The following PRP4K variants were observed in gnomAD, a reference collection of about 807,000 sequenced individuals.
PRP4K encodes pre-mRNA processing factor kinase PRP4K.
the PRP4K span, among the ~76,000 whole-genome samples, chr6:4,036,131 C>T: frequency 6.6e-6 from 1 of 152,038 alleles, no homozygotes; most frequent in Non-Finnish European, 1.5e-5. Context: ...TGTAGAAAGG[C>T]CTGTTGTAAT....
the PRP4K span, chr6:4,061,946 G>A: frequency 6.6e-6 from 1 of 152,532 alleles, no homozygotes; most frequent in Non-Finnish European, 1.5e-5. Context: ...TTCAGTGCTG[G>A]TAAGTCAGGT....
At chr6:4,039,393 A>G in the PRP4K span, among the ~76,000 whole-genome samples, 718 of 152,278 alleles carry the variant, frequency 4.7e-3, 4 homozygotes, top group Non-Finnish European at 7.8e-3. Flanking sequence ...CTCTTCCTTC[A>G]TAATGTAAAC....
chr6:4,038,605 T>C, the PRP4K span, among the ~76,000 whole-genome samples: 1 of 152,108 alleles, frequency 6.6e-6, no homozygotes, highest in Non-Finnish European at 1.5e-5. Context: ...ATGTTTCGCT[T>C]TTGCCTAATT....
chr6:4,052,205 C>T, the PRP4K span: 1 of 1,222,036 alleles, frequency 8.2e-7, no homozygotes, highest in Non-Finnish European at 1.1e-6. Flanking sequence ...TTTGTTTTAT[C>T]CACACAGCTC....
At chr6:4,030,717 A>G in the PRP4K span, among the ~76,000 whole-genome samples, 25,942 of 152,204 alleles carry the variant, frequency 0.17, 2,628 homozygotes, top group African/African-American at 0.26. Context: ...TTTGAAATTC[A>G]GAGAGATTAA....
chr6:4,027,812 C>T, the PRP4K span, among the ~76,000 whole-genome samples: 5 of 152,148 alleles, frequency 3.3e-5, no homozygotes, highest in Non-Finnish European at 7.3e-5. Flanking sequence ...CCAGAGACTG[C>T]TTAACCACTC....
At chr6:4,037,379 G>T in the PRP4K span, 6 of 1,532,760 alleles carry the variant, frequency 3.9e-6, no homozygotes, top group South Asian at 6.4e-5. Flanking sequence ...CTTTTAACTT[G>T]CATTTGATCC....
At chr6:4,052,652 C>T in the PRP4K span, 3 of 1,303,696 alleles carry the variant, frequency 2.3e-6, no homozygotes, top group Non-Finnish European at 2.1e-6. Flanking sequence ...AATGTTTTTG[C>T]CTTTTTATAT....
At chr6:4,049,299 G>T in the PRP4K span, 1 of 563,398 alleles carries the variant, frequency 1.8e-6, no homozygotes. Flanking sequence ...ATCACAAATG[G>T]AGTGAGGTAA....
chr6:4,022,824 C>T, the PRP4K span, among the ~76,000 whole-genome samples: 5 of 152,064 alleles, frequency 3.3e-5, no homozygotes, highest in African/African-American at 9.6e-5. Flanking sequence ...CAGTACCGTG[C>T]AGATCTCATG....
chr6:4,029,996 G>T, the PRP4K span, among the ~76,000 whole-genome samples: 1 of 150,520 alleles, frequency 6.6e-6, no homozygotes, highest in East Asian at 2.0e-4. Context: ...AGGCTGGAGT[G>T]CAATGGCGCA....
chr6:4,021,305 C>A, the PRP4K span: 1 of 1,362,326 alleles, frequency 7.3e-7, no homozygotes, highest in East Asian at 2.5e-5. Context: ...GACTCAGAAC[C>A]CAGCTCTTCC....
the PRP4K span, chr6:4,043,896 A>G: frequency 1.9e-6 from 3 of 1,614,226 alleles, no homozygotes; most frequent in East Asian, 4.5e-5. Flanking sequence ...GAACACGATC[A>G]CCATCTCCAG....
the PRP4K span, chr6:4,049,574 T>TA: frequency 2.4e-5 from 17 of 696,642 alleles, no homozygotes; most frequent in East Asian, 2.7e-4. Context: ...CACACTCTGA[T>TA]AGAGTGATCA....
At chr6:4,053,065 G>GA in the PRP4K span, among the ~76,000 whole-genome samples, 1 of 152,266 alleles carries the variant, frequency 6.6e-6, no homozygotes, top group Non-Finnish European at 1.5e-5. Context: ...CAAGTATGAA[G>GA]AAAAAGGAAA....
At chr6:4,056,368 T>A in the PRP4K span, 1 of 1,614,176 alleles carries the variant, frequency 6.2e-7, no homozygotes, top group African/African-American at 1.3e-5. Flanking sequence ...TTGGGTCGGC[T>A]TCACATGTTG....
chr6:4,044,791 C>T, the PRP4K span, among the ~76,000 whole-genome samples: 148 of 151,736 alleles, frequency 9.8e-4, no homozygotes, highest in African/African-American at 3.4e-3. Context: ...TTTTCCTTTA[C>T]AGTTCCATAT....
chr6:4,057,909 C>T, the PRP4K span, among the ~76,000 whole-genome samples: 10 of 152,062 alleles, frequency 6.6e-5, 1 homozygote, highest in East Asian at 7.7e-4. Context: ...CCACCGCACC[C>T]GGCTGTAACT....
chr6:4,045,323 T>G, the PRP4K span, among the ~76,000 whole-genome samples: 9 of 152,184 alleles, frequency 5.9e-5, no homozygotes, highest in Non-Finnish European at 1.3e-4. Context: ...CCAGCTAGAT[T>G]TGGCTCACAG....
Sources: allele counts gnomAD v4.1 joint callset (sites outside exome capture counted in the v4.1 genomes callset), GRCh38; gene constraint gnomAD v4.1.1; transcripts MANE v1.5; gene names NCBI Gene and HGNC (gene_info 2026-07-23, HGNC 2026-07-21).